Variants in ACSL1 observed in about 807,000 individuals in gnomAD.
The protein encoded by ACSL1 is long-chain-fatty-acid--CoA ligase 1.
In ACSL1, 41 loss-of-function variants were observed where a neutral mutation model predicts 98.4. The observed-to-expected ratio is 0.42, with a 90% CI of 0.32 to 0.54. The LOEUF is 0.54. Ranked by LOEUF, ACSL1 falls within the 20% of genes least tolerant of loss-of-function variation. ACSL1 has a pLI of 0.13. For missense variants in ACSL1, 734 were observed against 883.1 expected (o/e 0.83, Z 2.14); for synonymous variants, 316 against 322.7 (o/e 0.98, Z 0.22).
At chr4:184,783,226 T>C (rs1766622121) in intron 4 of ACSL1, among the ~76,000 whole-genome samples, 1 of 152,174 alleles carries the variant, frequency 6.6e-6, no homozygotes, top group Non-Finnish European at 1.5e-5. Flanking sequence ...CTACTGCCAC[T>C]CATGAGCCGC....
intron 2 of ACSL1, among the ~76,000 whole-genome samples, chr4:184,792,820 G>C (rs1768632647): frequency 6.6e-6 from 1 of 152,186 alleles, no homozygotes. Flanking sequence ...CAAGCAAGGG[G>C]TTGCAAGCTG....
chr4:184,789,171 C>T (rs1337890469), intron 2 of ACSL1, among the ~76,000 whole-genome samples: 3 of 152,214 alleles, frequency 2.0e-5, no homozygotes, highest in African/African-American at 7.2e-5. Flanking sequence ...AATCATTCGC[C>T]TGGAGGTAAA....
Position 184,770,455 on chromosome 4 carries a change from C to A in ACSL1, c.937G>T (p.Asp313Tyr). ...ATENTVNPCP[D>Y]DTLISFLPLA... is the part of the protein sequence containing the mutation. ...GGCAAGAAAGATATCAAAGTATCAT[C>A]TGGGCAAGGATTGACTGTATTCTGT... is the stretch of plus-strand genomic sequence containing the variant. Residue 313 changes from aspartate to tyrosine, a missense_variant, in exon 11 of 21, where the codon GAT becomes TAT. Transcript: ENST00000281455. 6.2e-7 allele frequency: 1 copy of A among 1,609,982 alleles called. No individual in the cohort carries two copies. Among genetic ancestry groups the A allele is most frequent in the South Asian group, 1.1e-5 (1 of 91,034 alleles).
chr4:184,776,534 C>T lies in ACSL1; in HGVS notation c.706G>A (p.Glu236Lys), dbSNP rs770432462. ...TCCACCCCACACCTCTGGCCTCGTT[C>T]CACCAGTTCACTGCCGTAGGCATCC... ...VMDAYGSELV[E>K]RGQRCGVEVT... The change falls in exon 7 of 21, where the codon GAA becomes AAA. Residue 236 changes from glutamate (E) to lysine (K), a missense_variant. Transcript: ENST00000281455. 1 of 1,614,140 alleles carries T rather than the reference C, an allele frequency of 6.2e-7. No individual in the cohort carries two copies. Among genetic ancestry groups the T allele is most frequent in the Non-Finnish European group, 8.5e-7 (1 of 1,179,968 alleles).
At chr4:184,785,473 G>A (rs771799045) in intron 3 of ACSL1, among the ~76,000 whole-genome samples, 72 of 151,968 alleles carry the variant, frequency 4.7e-4, no homozygotes, top group Non-Finnish European at 9.3e-4. Context: ...AACTCTAGGC[G>A]GGCTGCTTCT....
At chr4:184,760,636 T>C (rs1218344858) in intron 17 of ACSL1, 136 bp from the exon 18 acceptor site, 9 of 1,291,938 alleles carry the variant, frequency 7.0e-6, no homozygotes, top group Admixed American at 2.2e-5. Context: ...AGGTCAGTTA[T>C]GATCCCATTT....
At position 184,803,607 on chromosome 4, in the gene ACSL1, C is replaced by T. The variant is rs7691497; in HGVS notation, c.-32-61G>A. 3.9e-5 allele frequency: 46 copies of T among 1,190,364 alleles called. No homozygotes were observed. Among genetic ancestry groups the T allele is most frequent in the Non-Finnish European group, 4.6e-5 (42 of 914,442 alleles). 73.7% of individuals were successfully genotyped at this position (1,190,364 alleles called of 1,614,324 possible). On this transcript the variant is annotated intron_variant, in intron 1 of 20. Coordinates refer to ENST00000281455, the MANE Select transcript of ACSL1 (RefSeq NM_001995.5). This position sits in a 1 kb window ranked among gnomAD's most constrained non-coding sequence, Gnocchi z 4.8. ...GAAGCAGGACCCCTCTCCAGAACTCCAAAATTCCACCGGCCAGCCATCTAA... is the reference window on the plus strand; with the variant it reads ...GAAGCAGGACCCCTCTCCAGAACTCTAAAATTCCACCGGCCAGCCATCTAA...
rs1385744761 is a variant in ACSL1 at position 184,773,875 on chromosome 4, C to G, written c.757G>C (p.Asp253His). Residue 253 changes from aspartate (D) to histidine (H), a missense_variant and splice_region_variant, in exon 8 of 21, where the codon GAC becomes CAC. Transcript: ENST00000281455. The surrounding 1 kb of genome is among the most constrained non-coding windows in gnomAD (Gnocchi z 4.3). ...VEVTSMKAMEDLGRANRRKPK... is the reference protein window; with the variant it reads ...VEVTSMKAMEHLGRANRRKPK... ...TTCCGTCTGTTGGCTCTTCCCAGGTCCTTAATTAGAAGAGAAAAAAAGTCT... is the reference window on the plus strand; with the variant it reads ...TTCCGTCTGTTGGCTCTTCCCAGGTGCTTAATTAGAAGAGAAAAAAAGTCT... The G allele has an allele frequency of 1.2e-6, 2 of 1,613,826 alleles. No homozygotes were observed. The highest frequency in any genetic ancestry group is 1.7e-6 in the Non-Finnish European group (2 of 1,179,828).
intron 2 of ACSL1, among the ~76,000 whole-genome samples, chr4:184,802,341 A>T (rs1466019081): frequency 1.3e-5 from 2 of 151,878 alleles, no homozygotes; most frequent in African/African-American, 4.8e-5. Flanking sequence ...AAGGGCACAC[A>T]CTCCCTCTGC....
chr4:184,773,530 C>A lies in ACSL1; in HGVS notation c.841+133G>T. The A allele has an allele frequency of 1.3e-6, 1 of 795,710 alleles. No individual in the cohort carries two copies. Among genetic ancestry groups the A allele is most frequent in the South Asian group, 1.8e-5 (1 of 54,388 alleles). The allele number at this position is 795,710 out of a possible 1,614,324, so 49.3% of individuals were successfully genotyped here. A position where few individuals can be genotyped will look rare whatever the true frequency, so the allele number is the denominator to read the frequency against. Reference sequence around the variant, plus strand: ...AAGATCTTACAGAGCAACAAGAAGACAGCACTTGAACCGCTTCCTTCTCTT... The same window carrying A: ...AAGATCTTACAGAGCAACAAGAAGAAAGCACTTGAACCGCTTCCTTCTCTT... On this transcript the variant is annotated intron_variant, in intron 9 of 20. Transcript: ENST00000281455. This position sits in a 1 kb window ranked among gnomAD's most constrained non-coding sequence, Gnocchi z 4.3.
At chr4:184,809,619 C>T (rs1317609180) in intron 1 of ACSL1, among the ~76,000 whole-genome samples, 1 of 151,170 alleles carries the variant, frequency 6.6e-6, no homozygotes, top group Non-Finnish European at 1.5e-5. Context: ...GGTGAAACTC[C>T]ATCTCTACTA....
upstream of ACSL1, chr4:184,826,041 G>T: frequency 6.8e-6 from 1 of 147,836 alleles, no homozygotes; most frequent in South Asian, 2.0e-4. Flanking sequence ...TTGCGCCCCC[G>T]CCACCGCCGC....
chr4:184,766,532 CA>C lies in ACSL1; in HGVS notation c.1263+89del. On this transcript the variant is annotated intron_variant, in intron 13 of 20. Transcript: ENST00000281455. This position sits in a 1 kb window ranked among gnomAD's most constrained non-coding sequence, Gnocchi z 4.8. ...AACATGTTATTCTCTCCCTTACCTT[CA>C]TCTCTCCCTCTCACAAAAAAGGCCC... 3 of 1,491,754 alleles carry C rather than the reference CA, an allele frequency of 2.0e-6. No individual in the cohort carries two copies. The highest frequency in any genetic ancestry group is 2.7e-6 in the Non-Finnish European group (3 of 1,098,390). 92.4% of individuals were successfully genotyped at this position (1,491,754 alleles called of 1,614,324 possible).
At chr4:184,764,989 C>T (rs1763372851) in intron 14 of ACSL1, 64 bp from the exon 15 acceptor site, 2 of 1,523,270 alleles carry the variant, frequency 1.3e-6, no homozygotes, top group African/African-American at 1.4e-5. Flanking sequence ...TGGAAGTGCA[C>T]AAGCAATGAA....
In ACSL1 at chr4:184,803,455, C is replaced by T. The variant is rs768301715; in HGVS notation, c.60G>A (p.Gln20=). ...FRMPELVDFR[Q]YVRTLPTNTL... Reference sequence around the variant, plus strand: ...TGTTGGTCGGAAGAGTACGCACGTACTGTCGGAAGTCAACCAGCTCTGGCA... The same window carrying T: ...TGTTGGTCGGAAGAGTACGCACGTATTGTCGGAAGTCAACCAGCTCTGGCA... Residue 20 remains glutamine, a synonymous_variant, in exon 2 of 21, where the codon CAG becomes CAA. Transcript: ENST00000281455. The surrounding 1 kb of genome is among the most constrained non-coding windows in gnomAD (Gnocchi z 4.8). 6.2e-6 allele frequency: 10 copies of T among 1,613,144 alleles called. No homozygotes were observed. The highest frequency in any genetic ancestry group is 5.0e-5 in the Admixed American group (3 of 59,794).
intron 2 of ACSL1, among the ~76,000 whole-genome samples, chr4:184,800,679 C>T (rs543117541): frequency 1.3e-5 from 2 of 152,298 alleles, no homozygotes; most frequent in African/African-American, 4.8e-5. Context: ...CTGTGAGCTG[C>T]CACTACAGAC....
At chr4:184,810,411 T>C (rs1157788403) in intron 1 of ACSL1, among the ~76,000 whole-genome samples, 1 of 152,184 alleles carries the variant, frequency 6.6e-6, no homozygotes. Context: ...TTTGGGACAC[T>C]TTCATCTTAT....
Position 184,768,439 on chromosome 4 carries a change from C to T in ACSL1, c.1005G>A (p.Leu335=), listed in dbSNP as rs1019103359. The part of the protein sequence containing the change: ...MFERVVECVM[L]CHGAKIGFFQ... ...AAAATCCGATTTTAGCTCCATGACA[C>T]AGCATTACACACTATAGGGGTAATG... Residue 335 remains leucine (L), a synonymous_variant, in exon 12 of 21, where the codon CTG becomes CTA. Transcript: ENST00000281455. 11 of 1,613,276 alleles carry T rather than the reference C, an allele frequency of 6.8e-6. No individual in the cohort carries two copies. Among genetic ancestry groups the T allele is most frequent in the Non-Finnish European group, 8.5e-6 (10 of 1,179,804 alleles).
chr4:184,815,328 ATT>A lies in ACSL1; in HGVS notation c.-33+10586_-33+10587del, dbSNP rs562574871. ...AGGTGGGCTGGGGACTCGCAGCCGC[ATT>A]GTAAGGCAACCGTCAGGAGCCTCTG... On this transcript the variant is annotated intron_variant, in intron 1 of 20. Transcript: ENST00000281455. Among the ~76,000 whole-genome samples the A allele has an allele frequency of 2.4e-4, 36 of 152,268 alleles. No homozygotes were observed. The East Asian group carries it at 3.9e-3, about 16-fold the overall frequency.
Sources: allele counts gnomAD v4.1 joint callset (sites outside exome capture counted in the v4.1 genomes callset), GRCh38; gene constraint gnomAD v4.1.1; non-coding constraint Gnocchi (gnomAD v3.1); transcripts MANE v1.5; gene names NCBI Gene and HGNC (gene_info 2026-07-23, HGNC 2026-07-21).